The following DNAAF9 variants were observed in gnomAD, a reference collection of about 807,000 sequenced individuals.
DNAAF9 encodes shulin.
DNAAF9 carries 90 observed loss-of-function variants against 167.0 expected under a neutral mutation model. The ratio of observed to expected loss-of-function variants is 0.54; its 90% CI spans 0.45 to 0.64. DNAAF9 has a LOEUF of 0.64. Ranked by LOEUF, DNAAF9 falls within the 30% of genes least tolerant of loss-of-function variation. The probability of loss-of-function intolerance (pLI) is 0.00; values close to 1 mark genes in which losing one functional copy is unlikely to be tolerated. For missense variants in DNAAF9, 1,315 were observed against 1,442.2 expected (o/e 0.91, Z 1.43); for synonymous variants, 491 against 508.8 (o/e 0.96, Z 0.47).
In DNAAF9 at chr20:3,381,831, C is replaced by A. The variant is rs185080183; in HGVS notation, c.164-333G>T. The stretch of plus-strand genomic sequence containing the variant: ...TCTTCACCTTTCAAAGAGATCTTTA[C>A]CAAAACACTTGGGATCAAACAAAGG... On this transcript the variant is annotated intron_variant, in intron 2 of 36. Coordinates refer to ENST00000252032, the MANE Select transcript of DNAAF9 (RefSeq NM_001009984.3). Among the ~76,000 whole-genome samples, 9 of 152,210 alleles carry A rather than the reference C, an allele frequency of 5.9e-5. No individual in the cohort carries two copies. In the East Asian group the frequency reaches 1.5e-3, roughly 26 times the overall value.
Position 3,252,204 on chromosome 20 carries a change from A to T in DNAAF9, c.*368T>A, listed in dbSNP as rs942692017. ...AGACACGGCCACAGTTCAGGCAGCCAGGGTTCCTTCTAAGTCCCAGTAGCT... is the reference window on the plus strand; with the variant it reads ...AGACACGGCCACAGTTCAGGCAGCCTGGGTTCCTTCTAAGTCCCAGTAGCT... On this transcript the variant is annotated 3_prime_UTR_variant, in exon 37 of 37. Transcript: ENST00000252032. 1 of 159,710 alleles carries T rather than the reference A, an allele frequency of 6.3e-6. No homozygotes were observed. The highest frequency in any genetic ancestry group is 1.4e-5 in the Non-Finnish European group (1 of 72,974). The allele number at this position is 159,710 out of a possible 1,614,324, so 9.9% of individuals were successfully genotyped here. A position where few individuals can be genotyped will look rare whatever the true frequency, so the allele number is the denominator to read the frequency against.
chr20:3,384,481 G>A (rs1438117704), intron 1 of DNAAF9: 2 of 150,986 alleles, frequency 1.3e-5, no homozygotes, highest in Non-Finnish European at 3.0e-5. Flanking sequence ...GTATCAAAAA[G>A]AGAAAGAAAC....
At position 3,330,684 on chromosome 20, in the gene DNAAF9, T is replaced by C. The variant is rs1471515242; in HGVS notation, c.1064-2A>G. On this transcript the variant is annotated splice_acceptor_variant, in intron 11 of 36. Coordinates refer to ENST00000252032, the MANE Select transcript of DNAAF9 (RefSeq NM_001009984.3). LOFTEE classifies it high-confidence loss of function. ...TCTTGGGCAGCTTGCTGTCACCACC[T>C]GTGAAAGAGGCCCACTAAGAATGTG... 2 of 1,584,576 alleles carry C rather than the reference T, an allele frequency of 1.3e-6. No individual in the cohort carries two copies. The highest frequency in any genetic ancestry group is 1.1e-5 in the South Asian group (1 of 89,810).
rs779860090 is a variant in DNAAF9, at chr20:3,304,572, T to C, written c.1679-29A>G. ...GAAGGAAAAGAGAGTTGGTCAGAGC[T>C]GGAGGGCTGGGTGCTGGGGGTCAGA... On this transcript the variant is annotated intron_variant, in intron 20 of 36. Transcript: ENST00000252032. 4 of 1,042,670 alleles carry C rather than the reference T, an allele frequency of 3.8e-6. No individual in the cohort carries two copies. In the East Asian group the frequency reaches 7.2e-5, roughly 19 times the overall value. The allele number at this position is 1,042,670 out of a possible 1,614,324, so 64.6% of individuals were successfully genotyped here.
Position 3,298,122 on chromosome 20 carries a change from A to T in DNAAF9, c.1836T>A (p.Leu612=). 2 of 1,613,206 alleles carry T rather than the reference A, an allele frequency of 1.2e-6. No individual in the cohort carries two copies. The highest frequency in any genetic ancestry group is 1.7e-6 in the Non-Finnish European group (2 of 1,179,148). Residue 612 remains leucine (L), a synonymous_variant, in exon 22 of 37, where the codon CTT becomes CTA. Transcript: ENST00000252032. ...CATGGAAATGAACTGGGAGGTGAGG[A>T]AGCAATGAGCTTTTGAAGTCTATGA... ...ALLIDFKSSL[L]PHLPVHFHGS...
At chr20:3,264,030 G>A (rs530829116) in intron 31 of DNAAF9, among the ~76,000 whole-genome samples, 1 of 152,248 alleles carries the variant, frequency 6.6e-6, no homozygotes, top group South Asian at 2.1e-4. Context: ...ACATTCCCTG[G>A]GCCATATGAG....
At chr20:3,255,898 C>T in intron 34 of DNAAF9, 108 bp downstream of exon 34, 1 of 807,868 alleles carries the variant, frequency 1.2e-6, no homozygotes, top group Non-Finnish European at 2.1e-6. Context: ...GAGAGGAAGC[C>T]CAGTGGGGAG....
At chr20:3,296,356 C>A in intron 23 of DNAAF9, 1 of 326,836 alleles carries the variant, frequency 3.1e-6, no homozygotes, top group East Asian at 7.6e-5. Flanking sequence ...CACAGCCACA[C>A]TGGCTCCTGG....
Position 3,403,629 on chromosome 20 carries a change from T to A in DNAAF9, c.83+3846A>T, listed in dbSNP as rs2084017559. Among the ~76,000 whole-genome samples the A allele has an allele frequency of 5.3e-5, 8 of 151,186 alleles. No homozygotes were observed. The Admixed American group carries it at 5.3e-4, about 10-fold the overall frequency. On this transcript the variant is annotated intron_variant, in intron 1 of 36. Transcript: ENST00000252032. The stretch of plus-strand genomic sequence containing the variant: ...TCATCAATTGTCCCTCCCTACTGCA[T>A]CAGCCCATCAATTTACAAACATGCT...
chr20:3,400,259 A>C (rs536045671), intron 1 of DNAAF9, among the ~76,000 whole-genome samples: 3 of 152,352 alleles, frequency 2.0e-5, no homozygotes, highest in Admixed American at 1.3e-4. Flanking sequence ...GCAATGTGAA[A>C]TCCTGAGTTG....
chr20:3,402,754 T>G (rs1298815529), intron 1 of DNAAF9, among the ~76,000 whole-genome samples: 1 of 152,108 alleles, frequency 6.6e-6, no homozygotes, highest in Non-Finnish European at 1.5e-5. Flanking sequence ...ATTTTTCTTT[T>G]TTTGAACTTT....
rs1346259768 is a variant in DNAAF9, at chr20:3,250,819, C to G, written c.*1753G>C. The stretch of plus-strand genomic sequence containing the variant: ...ATGGCCTGTGGTTCCCACCCCCCAA[C>G]CCCTTTTCTAAGGCTGCTCAAGTTT... On this transcript the variant is annotated 3_prime_UTR_variant, in exon 37 of 37. Coordinates refer to ENST00000252032, the MANE Select transcript of DNAAF9 (RefSeq NM_001009984.3). The G allele has an allele frequency of 6.6e-6, 1 of 152,156 alleles. No individual in the cohort carries two copies. The highest frequency in any genetic ancestry group is 1.5e-5 in the Non-Finnish European group (1 of 68,054). 9.4% of individuals were successfully genotyped at this position (152,156 alleles called of 1,614,324 possible). A position where few individuals can be genotyped will look rare whatever the true frequency, so the allele number is the denominator to read the frequency against.
At chr20:3,252,707 A>C in intron 36 of DNAAF9, 23 bp from the exon 37 acceptor site, 1 of 1,410,730 alleles carries the variant, frequency 7.1e-7, no homozygotes, top group Non-Finnish European at 1.0e-6. Context: ...TAAGGAAGAG[A>C]GCTCTGAGCC....
chr20:3,326,127 G>A (rs1181765142), intron 13 of DNAAF9, 70 bp downstream of exon 13: 2 of 1,179,962 alleles, frequency 1.7e-6, no homozygotes, highest in Non-Finnish European at 1.3e-6. Context: ...GTCCAAAGAA[G>A]AAACACATGG....
intron 27 of DNAAF9, among the ~76,000 whole-genome samples, chr20:3,282,521 A>G (rs541029670): frequency 2.0e-5 from 3 of 152,242 alleles, no homozygotes; most frequent in African/African-American, 7.2e-5. Flanking sequence ...TGCCAGAGAG[A>G]TATGCTAAAC....
intron 7 of DNAAF9, among the ~76,000 whole-genome samples, chr20:3,355,909 T>C (rs538917964): frequency 1.3e-5 from 2 of 152,224 alleles, no homozygotes; most frequent in South Asian, 4.2e-4. Context: ...TCAGATCCAG[T>C]GCCGTCTGAA....
At position 3,322,280 on chromosome 20, in the gene DNAAF9, T is replaced by G. The variant is rs1175539365; in HGVS notation, c.1311-18A>C. The G allele has an allele frequency of 6.3e-7, 1 of 1,583,234 alleles. No homozygotes were observed. Among genetic ancestry groups the G allele is most frequent in the African/African-American group, 1.3e-5 (1 of 74,366 alleles). Reference sequence around the variant, plus strand: ...GTACAATTCTAGGAGGGGAAAGAGATGGAAGACTATGTTAAAGAGTTTTTA... The same window carrying G: ...GTACAATTCTAGGAGGGGAAAGAGAGGGAAGACTATGTTAAAGAGTTTTTA... On this transcript the variant is annotated intron_variant, in intron 15 of 36. Coordinates refer to ENST00000252032, the MANE Select transcript of DNAAF9 (RefSeq NM_001009984.3).
At chr20:3,310,333 A>AAAAGAAAAGAAAG (rs1555790611) in intron 20 of DNAAF9, among the ~76,000 whole-genome samples, 1 of 106,098 alleles carries the variant, frequency 9.4e-6, no homozygotes, top group Non-Finnish European at 1.9e-5. Flanking sequence ...AAGAGAAAGA[A>AAAAGAAAAGAAAG]AAAGAAAGAA....
At chr20:3,353,557 G>A (rs2070367511) in intron 7 of DNAAF9, among the ~76,000 whole-genome samples, 1 of 151,800 alleles carries the variant, frequency 6.6e-6, no homozygotes, top group Non-Finnish European at 1.5e-5. Flanking sequence ...GAGACTGGGA[G>A]GCAGAGGTTG....
Sources: gnomAD v4.1 joint callset for allele counts (sites outside exome capture counted in the v4.1 genomes callset) on GRCh38, gnomAD v4.1.1 for gene constraint, MANE v1.5 for transcripts, NCBI Gene and HGNC (gene_info 2026-07-23, HGNC 2026-07-21) for gene names.